Variants in UBN1 observed in about 807,000 individuals in gnomAD.
UBN1 encodes ubinuclein 1, also known as ubinuclein-1.
In UBN1, 17 loss-of-function variants were observed where a neutral mutation model predicts 108.5. That is an observed-to-expected ratio of 0.16 (90% CI 0.11 to 0.24). UBN1 has a LOEUF of 0.24. UBN1 is among the 10% of genes least tolerant of loss of function. UBN1 has a pLI of 1.00. For synonymous variants in UBN1, 726 were observed against 564.2 expected, an observed-to-expected ratio of 1.29 and a Z score of -4.07; for missense variants, 1,595 against 1,394.4, an observed-to-expected ratio of 1.14 and a Z score of -2.29.
intron 12 of UBN1, 39 bp from the exon 13 acceptor site, chr16:4,872,845 T>A: frequency 1.2e-6 from 2 of 1,613,308 alleles, no homozygotes; most frequent in Non-Finnish European, 1.7e-6. Context: ...CCCAGCTTTC[T>A]GGGGCATGTA....
chr16:4,862,704 C>G (rs2087124606), intron 7 of UBN1, among the ~76,000 whole-genome samples: 2 of 152,206 alleles, frequency 1.3e-5, no homozygotes, highest in South Asian at 2.1e-4. Flanking sequence ...AGGTTGTGTT[C>G]TAGTGTGAAA....
chr16:4,871,411 C>A, intron 12 of UBN1, 110 bp downstream of exon 12: 1 of 1,465,450 alleles, frequency 6.8e-7, no homozygotes, highest in South Asian at 1.4e-5. Context: ...TGTCTAGCTG[C>A]CTCAACTCTG....
intron 2 of UBN1, among the ~76,000 whole-genome samples, chr16:4,854,038 G>T (rs570021683): frequency 1.5e-4 from 23 of 152,004 alleles, no homozygotes; most frequent in Admixed American, 3.9e-4. Flanking sequence ...GATTTGTGGG[G>T]TTTTTTTGTT....
intron 1 of UBN1, among the ~76,000 whole-genome samples, chr16:4,850,766 C>T (rs770436056): frequency 2.0e-5 from 3 of 152,244 alleles, no homozygotes; most frequent in East Asian, 3.9e-4. Context: ...TATACAAATA[C>T]GTCTACATGT....
chr16:4,865,922 A>G (rs986577385), intron 7 of UBN1, among the ~76,000 whole-genome samples: 3 of 152,150 alleles, frequency 2.0e-5, no homozygotes, highest in African/African-American at 4.8e-5. Context: ...AGATCACGCC[A>G]TTGCACTCCA....
At position 4,871,238 on chromosome 16, in the gene UBN1, G is replaced by A. The variant is rs759128036; in HGVS notation, c.1643G>A (p.Cys548Tyr). The A allele has an allele frequency of 2.5e-6, 4 of 1,614,266 alleles. No individual in the cohort carries two copies. The East Asian group carries it at 6.7e-5, about 27-fold the overall frequency. ...AACAAAGCCCAGGCTTGGGAGGACT[G>A]TGTGAAGGGCTTTCTGGATGCGGAA... ...RNNKAQAWED[C>Y]VKGFLDAEVK... Residue 548 changes from cysteine to tyrosine, a missense_variant, in exon 12 of 18, where the codon TGT (cysteine) becomes TAT (tyrosine). Coordinates refer to ENST00000262376, the MANE Select transcript of UBN1 (RefSeq NM_001079514.3).
At position 4,877,554 on chromosome 16, in the gene UBN1, G is replaced by T; in HGVS notation, c.3355+80G>T. 6.7e-7 allele frequency: 1 copy of T among 1,486,960 alleles called. No homozygotes were observed. The allele number at this position is 1,486,960 out of a possible 1,614,324, so 92.1% of individuals were successfully genotyped here. Reference sequence around the variant, plus strand: ...CCCCTAGGTGCTTTGCCGCTGCCAAGGGTCTTGGTGTCTTTGCCTTGACGC... The same window carrying T: ...CCCCTAGGTGCTTTGCCGCTGCCAATGGTCTTGGTGTCTTTGCCTTGACGC... On this transcript the variant is annotated intron_variant, in intron 17 of 17. Transcript: ENST00000262376. The surrounding 1 kb of genome is among the most constrained non-coding windows in gnomAD (Gnocchi z 4.3).
At chr16:4,849,949 C>CAAAAAAA (rs751842571) in intron 1 of UBN1, among the ~76,000 whole-genome samples, 2,322 of 72,082 alleles carry the variant, frequency 0.032, 247 homozygotes, top group African/African-American at 0.13. Context: ...AACTGTCTCA[C>CAAAAAAA]AAAAAAAAAA....
intron 8 of UBN1, 126 bp from the exon 9 acceptor site, chr16:4,870,086 T>C (rs1042114166): frequency 1.4e-6 from 2 of 1,404,720 alleles, no homozygotes; most frequent in African/African-American, 1.4e-5. Flanking sequence ...TCAGTTACAT[T>C]GTGTGACCAA....
In UBN1 at chr16:4,872,932, C is replaced by T; in HGVS notation, c.1755C>T (p.Ile585=). 1 of 1,614,188 alleles carries T rather than the reference C, an allele frequency of 6.2e-7. No individual in the cohort carries two copies. Among genetic ancestry groups the T allele is most frequent in the Non-Finnish European group, 8.5e-7 (1 of 1,180,036 alleles). The change falls in exon 13 of 18, where the codon ATC becomes ATT. Residue 585 remains isoleucine, a splice_region_variant and synonymous_variant. Coordinates refer to ENST00000262376, the MANE Select transcript of UBN1 (RefSeq NM_001079514.3). The part of the protein sequence containing the change: ...SRRGHGHLTS[I]LAKKKVMAPS... ...GAGGCCATGGGCACCTGACTTCAAT[C>T]CTGTGAGTGTCTTGGTATTTTCACA...
chr16:4,849,207 G>C (rs1438882338), intron 1 of UBN1, among the ~76,000 whole-genome samples: 3 of 152,192 alleles, frequency 2.0e-5, no homozygotes, highest in Admixed American at 2.0e-4. Flanking sequence ...ACCACTATTA[G>C]ATAATAAGAA....
intron 17 of UBN1, among the ~76,000 whole-genome samples, chr16:4,879,381 G>A (rs2088010718): frequency 6.6e-6 from 1 of 151,468 alleles, no homozygotes; most frequent in African/African-American, 2.4e-5. Flanking sequence ...AGAGGGTATA[G>A]TGTGCTGTGA....
At position 4,880,194 on chromosome 16, in the gene UBN1, A is replaced by G; in HGVS notation, c.*62A>G. The G allele has an allele frequency of 6.4e-7, 1 of 1,555,210 alleles. No individual in the cohort carries two copies. The highest frequency in any genetic ancestry group is 8.9e-7 in the Non-Finnish European group (1 of 1,126,776). On this transcript the variant is annotated 3_prime_UTR_variant, in exon 18 of 18. Coordinates refer to ENST00000262376, the MANE Select transcript of UBN1 (RefSeq NM_001079514.3). ...TGGAATCAGAACGTGCAGGTCTCCC[A>G]GGATGTACACTCACTGCGCCCTTTC...
intron 5 of UBN1, 60 bp downstream of exon 5, chr16:4,859,219 A>G (rs2086942500): frequency 6.3e-7 from 1 of 1,578,444 alleles, no homozygotes; most frequent in Non-Finnish European, 8.6e-7. Context: ...CTATCAGATC[A>G]GTAGGTGACT....
chr16:4,861,106 T>G lies in UBN1; in HGVS notation c.1110+4T>G, dbSNP rs1404810513. On this transcript the variant is annotated splice_donor_region_variant and intron_variant, in intron 7 of 17. Transcript: ENST00000262376. ...GCGCGTTAAGGAGCTGGCTCAGGTA[T>G]GGTGGCACAGTGCGGCTGGGCTTTC... 2 of 1,610,728 alleles carry G rather than the reference T, an allele frequency of 1.2e-6. No homozygotes were observed. Among genetic ancestry groups the G allele is most frequent in the Non-Finnish European group, 1.7e-6 (2 of 1,178,546 alleles).
chr16:4,873,747 A>G (rs994962750), intron 14 of UBN1, among the ~76,000 whole-genome samples: 1 of 152,132 alleles, frequency 6.6e-6, no homozygotes, highest in Non-Finnish European at 1.5e-5. Context: ...TTCCCATGAA[A>G]AGCTCACTCT....
rs201489268 is a variant in UBN1 at position 4,860,727 on chromosome 16, T to C, written c.735T>C (p.Val245=). ...AGAAATATTCTGGGGCTTTAAGCGT[T>C]AAAGAGATGCTAAAGAAATTTCAGA... The part of the protein sequence containing the change: ...KKKKYSGALS[V]KEMLKKFQKE... The change falls in exon 7 of 18, where the codon GTT becomes GTC. Residue 245 remains valine (V), a synonymous_variant. Transcript: ENST00000262376. The C allele has an allele frequency of 2.8e-4, 459 of 1,614,080 alleles. 4 individuals are homozygous for C. The highest frequency in any genetic ancestry group is 4.9e-5 in the Non-Finnish European group (58 of 1,180,048).
rs1316262158 is a variant in UBN1 at position 4,847,564 on chromosome 16, A to AGC, written c.-682_-681dup. 1.2e-5 allele frequency: 5 copies of AGC among 412,588 alleles called. No homozygotes were observed. Among genetic ancestry groups the AGC allele is most frequent in the Non-Finnish European group, 2.2e-5 (5 of 231,112 alleles). 25.6% of individuals were successfully genotyped at this position (412,588 alleles called of 1,614,324 possible). On this transcript the variant is annotated 5_prime_UTR_variant, in exon 1 of 18. Coordinates refer to ENST00000262376, the MANE Select transcript of UBN1 (RefSeq NM_001079514.3). ...GCGGCGGCGACGGTGCGACCGGCTGAGCGCGAGAGGGAGCCGGCCTCGCGG... is the reference window on the plus strand; with the variant it reads ...GCGGCGGCGACGGTGCGACCGGCTGAGCGCGCGAGAGGGAGCCGGCCTCGCGG...
chr16:4,857,915 A>C (rs2086886858), intron 2 of UBN1, 75 bp from the exon 3 acceptor site: 1 of 1,075,960 alleles, frequency 9.3e-7, no homozygotes, highest in Non-Finnish European at 1.4e-6. Context: ...GGTATTGAGT[A>C]ATCAGTGAAG....
Sources: gnomAD v4.1 joint callset for allele counts (sites outside exome capture counted in the v4.1 genomes callset) on GRCh38, gnomAD v4.1.1 for gene constraint, Gnocchi (gnomAD v3.1) non-coding constraint, MANE v1.5 for transcripts, NCBI Gene and HGNC (gene_info 2026-07-23, HGNC 2026-07-21) for gene names.